SIPA1L3: variants seen among roughly 807,000 people sequenced by gnomAD.
SIPA1L3 encodes the protein signal induced proliferation associated 1 like 3.
Under a neutral mutation model 150.1 loss-of-function variants are expected in SIPA1L3, and 59 were observed. The ratio of observed to expected loss-of-function variants is 0.39; its 90% CI spans 0.32 to 0.49. The LOEUF (loss-of-function observed/expected upper bound fraction) is 0.49, where lower values mean the gene tolerates loss of function less well. Ranked by LOEUF, SIPA1L3 falls within the 20% of genes least tolerant of loss-of-function variation. The pLI is 0.86. For missense variants in SIPA1L3, 2,211 were observed against 2,489.5 expected (o/e 0.89, Z 2.38); for synonymous variants, 1,070 against 1,077.6 (o/e 0.99, Z 0.14).
At chr19:38,028,384 A>G (rs1181827878) in intron 1 of SIPA1L3, among the ~76,000 whole-genome samples, 2 of 152,060 alleles carry the variant, frequency 1.3e-5, no homozygotes, top group African/African-American at 2.4e-5. Context: ...GAGATGCTCC[A>G]CATCTGCTCC....
At chr19:37,946,320 A>G (rs2145540829) in intron 1 of SIPA1L3, among the ~76,000 whole-genome samples, 1 of 151,176 alleles carries the variant, frequency 6.6e-6, no homozygotes, top group South Asian at 2.1e-4. Context: ...GTGTGTGGAG[A>G]TGGGGTCTTG....
intron 1 of SIPA1L3, among the ~76,000 whole-genome samples, chr19:37,908,792 G>T (rs1487918884): frequency 1.3e-5 from 2 of 152,074 alleles, no homozygotes; most frequent in African/African-American, 4.8e-5. Context: ...CCTGCCATCA[G>T]CAGTCCCCTG....
rs779245952 is a variant in SIPA1L3, at chr19:38,081,555, G to T, written c.-11G>T. The T allele has an allele frequency of 6.4e-7, 1 of 1,565,756 alleles. No homozygotes were observed. The highest frequency in any genetic ancestry group is 1.2e-5 in the South Asian group (1 of 84,822). On this transcript the variant is annotated 5_prime_UTR_variant, in exon 3 of 22. Coordinates refer to ENST00000222345, the MANE Select transcript of SIPA1L3 (RefSeq NM_015073.3). ...CGTACGGGGCCAGCAGCACTCCAGTGCCCGTGGACTATGACCACCTATCGG... is the reference window on the plus strand; with the variant it reads ...CGTACGGGGCCAGCAGCACTCCAGTTCCCGTGGACTATGACCACCTATCGG...
At chr19:38,067,595 C>A (rs962280711) in intron 2 of SIPA1L3, among the ~76,000 whole-genome samples, 1 of 152,032 alleles carries the variant, frequency 6.6e-6, no homozygotes, top group Non-Finnish European at 1.5e-5. Flanking sequence ...AAACCCATCT[C>A]TACTAAAAAT....
chr19:38,156,480 T>C (rs910902521), intron 13 of SIPA1L3, among the ~76,000 whole-genome samples: 141 of 150,016 alleles, frequency 9.4e-4, no homozygotes, highest in Middle Eastern at 6.8e-3. Context: ...CTCCTAAAAT[T>C]GCCGCCGCCA....
intron 1 of SIPA1L3, among the ~76,000 whole-genome samples, chr19:37,954,939 T>C (rs974208798): frequency 6.6e-6 from 1 of 151,272 alleles, no homozygotes; most frequent in Admixed American, 6.6e-5. Flanking sequence ...ATACAAAAAT[T>C]AGCCAGGCAT....
At chr19:37,949,441 G>A (rs1300953937) in intron 1 of SIPA1L3, among the ~76,000 whole-genome samples, 3 of 152,048 alleles carry the variant, frequency 2.0e-5, no homozygotes, top group Non-Finnish European at 2.9e-5. Flanking sequence ...TGAGGTGGGC[G>A]GCTAACCTGA....
chr19:38,103,629 A>C (rs1207983808), intron 6 of SIPA1L3, among the ~76,000 whole-genome samples: 5 of 59,946 alleles, frequency 8.3e-5, no homozygotes, highest in Non-Finnish European at 1.9e-4. Context: ...ACTTCATCTC[A>C]AAAAAAAAAA....
chr19:38,029,387 C>T (rs552021597), intron 2 of SIPA1L3, among the ~76,000 whole-genome samples: 1 of 152,276 alleles, frequency 6.6e-6, no homozygotes, highest in East Asian at 1.9e-4. Context: ...CACATATACA[C>T]ACTTATTTTG....
At chr19:37,951,424 AGTGCTCAT>A (rs1461580719) in intron 1 of SIPA1L3, among the ~76,000 whole-genome samples, 2 of 152,250 alleles carry the variant, frequency 1.3e-5, no homozygotes, top group Non-Finnish European at 2.9e-5. Context: ...TCAGGAGACC[AGTGCTCAT>A]GTGCACAGCT....
At chr19:38,058,379 C>A (rs1969371619) in intron 2 of SIPA1L3, among the ~76,000 whole-genome samples, 1 of 152,110 alleles carries the variant, frequency 6.6e-6, no homozygotes, top group African/African-American at 2.4e-5. Context: ...CCCCCATTCC[C>A]ACACACCTCT....
intron 1 of SIPA1L3, among the ~76,000 whole-genome samples, chr19:37,984,014 G>A (rs886520521): frequency 3.3e-5 from 5 of 152,122 alleles, no homozygotes; most frequent in African/African-American, 1.2e-4. Flanking sequence ...GAGATTTTTG[G>A]AGTTGCACGA....
intron 2 of SIPA1L3, among the ~76,000 whole-genome samples, chr19:38,063,038 A>C (rs1287792568): frequency 1.3e-5 from 2 of 152,114 alleles, no homozygotes; most frequent in Admixed American, 1.3e-4. Flanking sequence ...TCTGAACCCC[A>C]TTGTGAAGCA....
At chr19:38,060,350 T>C (rs1021530313) in intron 2 of SIPA1L3, among the ~76,000 whole-genome samples, 1 of 152,212 alleles carries the variant, frequency 6.6e-6, no homozygotes, top group African/African-American at 2.4e-5. Context: ...CTTTATGAGT[T>C]CTAATATTTG....
chr19:37,945,126 T>C (rs1018408480), intron 1 of SIPA1L3, among the ~76,000 whole-genome samples: 4 of 152,186 alleles, frequency 2.6e-5, no homozygotes, highest in Non-Finnish European at 5.9e-5. Flanking sequence ...GTACTGCTTA[T>C]TGCTGGCCTG....
chr19:37,953,547 T>A (rs956288780), intron 1 of SIPA1L3, among the ~76,000 whole-genome samples: 2 of 152,036 alleles, frequency 1.3e-5, no homozygotes, highest in African/African-American at 4.8e-5. Flanking sequence ...TGTGTGTGTG[T>A]ATGTGTGTGC....
intron 10 of SIPA1L3, among the ~76,000 whole-genome samples, chr19:38,132,370 C>T (rs1432666110): frequency 6.6e-6 from 1 of 151,758 alleles, no homozygotes; most frequent in Non-Finnish European, 1.5e-5. Flanking sequence ...CAGCCTGAAC[C>T]AGGCTGGAGT....
intron 19 of SIPA1L3, among the ~76,000 whole-genome samples, chr19:38,201,501 T>C (rs1973086435): frequency 6.6e-6 from 1 of 152,218 alleles, no homozygotes; most frequent in Non-Finnish European, 1.5e-5. Context: ...AACCCTTTTT[T>C]CCTACCTTTT....
At chr19:38,007,354 G>A (rs1232868274) in intron 1 of SIPA1L3, among the ~76,000 whole-genome samples, 1 of 151,504 alleles carries the variant, frequency 6.6e-6, no homozygotes, top group Non-Finnish European at 1.5e-5. Context: ...TCTGGAGGCT[G>A]AGGCAGGAGA....
Sources: allele counts gnomAD v4.1 joint callset (sites outside exome capture counted in the v4.1 genomes callset), GRCh38; gene constraint gnomAD v4.1.1; transcripts MANE v1.5; gene names NCBI Gene and HGNC (gene_info 2026-07-23, HGNC 2026-07-21).